HHAT: variants seen among roughly 807,000 people sequenced by gnomAD.
HHAT encodes hedgehog acyltransferase.
A neutral mutation model predicts 70.8 loss-of-function variants in HHAT; 47 were observed. That is an observed-to-expected ratio of 0.66 (90% CI 0.53 to 0.85). The LOEUF (loss-of-function observed/expected upper bound fraction) is 0.85. Among genes scored for constraint, HHAT ranks in the 40% least tolerant of loss-of-function variants. The pLI, the probability that HHAT is intolerant of heterozygous loss-of-function variation, is 0.00. For missense variants in HHAT, 609 were observed against 604.8 expected (o/e 1.01, Z -0.07); for synonymous variants, 228 against 247.6 (o/e 0.92, Z 0.74).
intron 9 of HHAT, among the ~76,000 whole-genome samples, chr1:210,582,733 G>A (rs1157517403): frequency 3.3e-5 from 5 of 152,298 alleles, no homozygotes; most frequent in Admixed American, 2.0e-4. Flanking sequence ...ACAGGCAGAC[G>A]TCTGCAGGAT....
chr1:210,654,731 C>A lies in HHAT; in HGVS notation c.1391-19557C>A, dbSNP rs189393244. Reference sequence around the variant, plus strand: ...ATGGCAAGAACAGAGCCATATCTTCCCCATGGAATGAGTACAGTGCAGCCC... The same window carrying A: ...ATGGCAAGAACAGAGCCATATCTTCACCATGGAATGAGTACAGTGCAGCCC... On this transcript the variant is annotated intron_variant, in intron 11 of 11. Coordinates refer to ENST00000261458, the MANE Select transcript of HHAT (RefSeq NM_018194.6). Among the ~76,000 whole-genome samples the A allele has an allele frequency of 2.6e-5, 4 of 152,302 alleles. No individual in the cohort carries two copies. In the East Asian group the frequency reaches 7.7e-4, roughly 29 times the overall value.
chr1:210,564,280 T>G (rs2095649961), intron 9 of HHAT, among the ~76,000 whole-genome samples: 1 of 152,150 alleles, frequency 6.6e-6, no homozygotes, highest in African/African-American at 2.4e-5. Context: ...ATTGTTAATG[T>G]GCTGATGTGG....
At chr1:210,331,069 C>T (rs1226694766) in intron 1 of HHAT, among the ~76,000 whole-genome samples, 1 of 152,114 alleles carries the variant, frequency 6.6e-6, no homozygotes, top group African/African-American at 2.4e-5. Context: ...CTCAAGCCAT[C>T]CTCTCCTTGG....
intron 8 of HHAT, among the ~76,000 whole-genome samples, chr1:210,476,079 G>A (rs17016276): frequency 0.38 from 58,295 of 151,828 alleles, 11,244 homozygotes; most frequent in East Asian, 0.42. Context: ...GAAAATTTGC[G>A]TATTCTGTAG....
At chr1:210,377,959 C>A (rs1373127425) in intron 3 of HHAT, among the ~76,000 whole-genome samples, 2 of 152,186 alleles carry the variant, frequency 1.3e-5, no homozygotes, top group African/African-American at 4.8e-5. Context: ...TTAGTGGAAG[C>A]ATTTTATCTT....
At chr1:210,485,478 C>A (rs2094460526) in intron 8 of HHAT, among the ~76,000 whole-genome samples, 1 of 152,128 alleles carries the variant, frequency 6.6e-6, no homozygotes, top group Non-Finnish European at 1.5e-5. Context: ...GGACCTCTCC[C>A]ACCAGCGACT....
chr1:210,334,176 TCA>T, intron 1 of HHAT, among the ~76,000 whole-genome samples: 1 of 118,962 alleles, frequency 8.4e-6, no homozygotes, highest in Non-Finnish European at 1.7e-5. Flanking sequence ...CTTTAGCGTG[TCA>T]TTTTTTTTTT....
At chr1:210,600,016 C>T (rs1332601397) in intron 10 of HHAT, among the ~76,000 whole-genome samples, 1 of 152,160 alleles carries the variant, frequency 6.6e-6, no homozygotes, top group Non-Finnish European at 1.5e-5. Context: ...TTTCCTTCCC[C>T]TCCACCCCTA....
chr1:210,626,766 C>T (rs971407890), intron 11 of HHAT, among the ~76,000 whole-genome samples: 11 of 152,104 alleles, frequency 7.2e-5, no homozygotes, highest in Non-Finnish European at 1.0e-4. Flanking sequence ...TGAGTCTATA[C>T]GATGCTCCCT....
At chr1:210,551,550 T>C (rs2095527958) in intron 9 of HHAT, among the ~76,000 whole-genome samples, 1 of 152,192 alleles carries the variant, frequency 6.6e-6, no homozygotes, top group Non-Finnish European at 1.5e-5. Context: ...CTTTCCCCCT[T>C]CATTATTCAA....
chr1:210,654,772 G>A (rs970461044), intron 11 of HHAT, among the ~76,000 whole-genome samples: 12 of 152,220 alleles, frequency 7.9e-5, no homozygotes, highest in Non-Finnish European at 1.5e-4. Flanking sequence ...AAGGAGGTGG[G>A]AGGCTCTGCA....
intron 9 of HHAT, among the ~76,000 whole-genome samples, chr1:210,542,417 C>T (rs2095439251): frequency 6.6e-6 from 1 of 151,870 alleles, no homozygotes; most frequent in Non-Finnish European, 1.5e-5. Flanking sequence ...TTTCCTGTTT[C>T]TGTCATAGCA....
intron 8 of HHAT, among the ~76,000 whole-genome samples, chr1:210,486,551 A>C (rs1480238729): frequency 6.6e-6 from 1 of 152,194 alleles, no homozygotes. Flanking sequence ...CTGATCAAGC[A>C]TGTGTTCTTT....
In HHAT at chr1:210,675,144, C is replaced by T. The variant is rs1680910254; in HGVS notation, c.*765C>T. 2 of 152,190 alleles carry T rather than the reference C, an allele frequency of 1.3e-5. No homozygotes were observed. The allele number at this position is 152,190 out of a possible 1,614,324, so 9.4% of individuals were successfully genotyped here. A position where few individuals can be genotyped will look rare whatever the true frequency, so the allele number is the denominator to read the frequency against. On this transcript the variant is annotated 3_prime_UTR_variant, in exon 12 of 12. Coordinates refer to ENST00000261458, the MANE Select transcript of HHAT (RefSeq NM_018194.6). Reference sequence around the variant, plus strand: ...TAGAAACCACAGGATAGTGTACCCACAGATGGGTGTTATCAAGGCCAGTCA... The same window carrying T: ...TAGAAACCACAGGATAGTGTACCCATAGATGGGTGTTATCAAGGCCAGTCA...
intron 8 of HHAT, among the ~76,000 whole-genome samples, chr1:210,490,800 C>G (rs1037733380): frequency 1.3e-5 from 2 of 152,158 alleles, no homozygotes; most frequent in African/African-American, 4.8e-5. Flanking sequence ...AAGAGACTTT[C>G]ACTCAAGTGA....
intron 9 of HHAT, among the ~76,000 whole-genome samples, chr1:210,528,836 A>G (rs373822975): frequency 1.3e-5 from 2 of 152,294 alleles, no homozygotes; most frequent in South Asian, 4.2e-4. Context: ...GTCTGTAGAA[A>G]TCTGTGATGC....
In HHAT at chr1:210,386,242, T is replaced by TTTTC. The variant is rs1490681242; in HGVS notation, c.160-1223_160-1222insCTTT. ...CTTTTCTTTTTTTCTTTTTTTTTTT[T>TTTTC]TTTTTTTTTTTTTTGAGACAGAGTC... On this transcript the variant is annotated intron_variant, in intron 3 of 11. Coordinates refer to ENST00000261458, the MANE Select transcript of HHAT (RefSeq NM_018194.6). Among the ~76,000 whole-genome samples, 8 of 106,074 alleles carry TTTTC rather than the reference T, an allele frequency of 7.5e-5. No homozygotes were observed. In the East Asian group the frequency reaches 1.4e-3, roughly 19 times the overall value. 69.6% of individuals were successfully genotyped at this position (106,074 alleles called of 152,430 possible). A position where few individuals can be genotyped will look rare whatever the true frequency, so the allele number is the denominator to read the frequency against.
intron 10 of HHAT, among the ~76,000 whole-genome samples, chr1:210,595,979 C>A (rs527709463): frequency 3.3e-5 from 5 of 152,154 alleles, no homozygotes; most frequent in African/African-American, 1.2e-4. Context: ...TTAATTAGAT[C>A]CCATTTGTCA....
Position 210,442,726 on chromosome 1 carries a change from A to T in HHAT, c.857-21779A>T, listed in dbSNP as rs545452467. On this transcript the variant is annotated intron_variant, in intron 7 of 11. Transcript: ENST00000261458. ...TGTTTCTTTCTTGTAAATTTGTTTG[A>T]GTTCATTGTAGATTCTGGATATTAG... Among the ~76,000 whole-genome samples, 845 of 152,142 alleles carry T rather than the reference A, an allele frequency of 5.6e-3. 7 individuals carry two copies. Among genetic ancestry groups the T allele is most frequent in the African/African-American group, 0.019 (808 of 41,492 alleles).
Sources: allele counts gnomAD v4.1 joint callset (sites outside exome capture counted in the v4.1 genomes callset), GRCh38; gene constraint gnomAD v4.1.1; transcripts MANE v1.5; gene names NCBI Gene and HGNC (gene_info 2026-07-23, HGNC 2026-07-21).